SP140: variants seen among roughly 807,000 people sequenced by gnomAD.
The protein encoded by SP140 is nuclear body protein SP140.
SP140 carries 81 observed loss-of-function variants against 125.0 expected under a neutral mutation model. That is an observed-to-expected ratio of 0.65 (90% CI 0.54 to 0.78). SP140 has a LOEUF of 0.78. SP140 is among the 30% of genes least tolerant of loss of function. SP140 has a pLI of 0.00. For synonymous variants in SP140, 312 were observed against 354.0 expected (o/e 0.88, Z 1.33); for missense variants, 858 against 1,037.0 (o/e 0.83, Z 2.37).
intron 10 of SP140, among the ~76,000 whole-genome samples, chr2:230,252,160 G>A (rs993535145): frequency 2.6e-5 from 4 of 151,736 alleles, no homozygotes; most frequent in Non-Finnish European, 5.9e-5. Context: ...TCCATGATAC[G>A]AGATAGGAGA....
chr2:230,191,621 T>C, the SP140 span, among the ~76,000 whole-genome samples: 1 of 152,116 alleles, frequency 6.6e-6, no homozygotes, highest in East Asian at 1.9e-4. Context: ...TAACAAGCTC[T>C]GAAATTGAGG....
Position 230,229,430 on chromosome 2 carries a change from C to CATTT in SP140, c.59+3528_59+3531dup, listed in dbSNP as rs1344820042. ...GTAAATCTGAGTTTCTGGCCCACAT[C>CATTT]ATTTTTCCCTTTGCATGAAGAAATT... On this transcript the variant is annotated intron_variant, in intron 1 of 26. Transcript: ENST00000392045. 3.0e-5 allele frequency among the ~76,000 whole-genome samples: 4 copies of CATTT among 132,634 alleles called. No homozygotes were observed. The East Asian group carries it at 6.9e-4, about 23-fold the overall frequency. The allele number at this position is 132,634 out of a possible 152,430, so 87.0% of individuals were successfully genotyped here. A position where few individuals can be genotyped will look rare whatever the true frequency, so the allele number is the denominator to read the frequency against.
At chr2:230,311,076 G>C in intron 24 of SP140, 78 bp from the exon 25 acceptor site, 1 of 1,608,020 alleles carries the variant, frequency 6.2e-7, no homozygotes, top group African/African-American at 1.3e-5. Flanking sequence ...AGAAGGGTGT[G>C]AGTTCTGTGC....
intron 12 of SP140, among the ~76,000 whole-genome samples, chr2:230,259,333 G>T (rs2051791976): frequency 6.6e-6 from 1 of 152,130 alleles, no homozygotes; most frequent in South Asian, 2.1e-4. Flanking sequence ...CCACGTATCA[G>T]TGAGAACATA....
chr2:230,219,177 A>T (rs1218161839), intron 3 of SP140, among the ~76,000 whole-genome samples: 1 of 152,236 alleles, frequency 6.6e-6, no homozygotes, highest in African/African-American at 2.4e-5. Flanking sequence ...GTGATCTGAG[A>T]TGGTGCCATT....
In SP140 at chr2:230,270,615, T is replaced by C. The variant is rs377342881; in HGVS notation, c.1474T>C (p.Leu492=). 6.2e-7 allele frequency: 1 copy of C among 1,610,306 alleles called. No individual in the cohort carries two copies. The highest frequency in any genetic ancestry group is 8.5e-7 in the Non-Finnish European group (1 of 1,178,308). Residue 492 remains leucine, a synonymous_variant, in exon 15 of 27, where the codon TTG becomes CTG. Coordinates refer to ENST00000392045, the MANE Select transcript of SP140 (RefSeq NM_007237.5). The stretch of plus-strand genomic sequence containing the variant: ...TGTGGATATTGCAAACAACTCCACT[T>C]TGGGAAAACCCAAGAGGAAAAGAAG... ...DTVDIANNST[L]GKPKRKRRKK...
rs199950443 is a variant in SP140, at chr2:230,284,420, G to T, written c.1564+9G>T. 7 of 1,604,616 alleles carry T rather than the reference G, an allele frequency of 4.4e-6. No individual in the cohort carries two copies. In the East Asian group the frequency reaches 1.6e-4, roughly 36 times the overall value. The stretch of plus-strand genomic sequence containing the variant: ...AAACAGCCAACAAAATGGTAAGCAG[G>T]CAAAGTGAAGTAGTTACAGCTTTTG... On this transcript the variant is annotated intron_variant, in intron 16 of 26. Coordinates refer to ENST00000392045, the MANE Select transcript of SP140 (RefSeq NM_007237.5).
intron 21 of SP140, among the ~76,000 whole-genome samples, chr2:230,296,985 A>G (rs2149518443): frequency 6.6e-6 from 1 of 152,382 alleles, no homozygotes; most frequent in Middle Eastern, 3.4e-3. Context: ...GTTTACAAAA[A>G]TAAAACTTTA....
chr2:230,247,887 C>G, intron 7 of SP140, 29 bp from the exon 8 acceptor site: 2 of 1,609,196 alleles, frequency 1.2e-6, no homozygotes, highest in Middle Eastern at 1.7e-4. Flanking sequence ...ATTACATACA[C>G]TCTCAGAGAT....
At chr2:230,195,875 A>G in the SP140 span, among the ~76,000 whole-genome samples, 1 of 152,200 alleles carries the variant, frequency 6.6e-6, no homozygotes, top group African/African-American at 2.4e-5. Context: ...AGCATATAGA[A>G]GGTTAATATC....
At chr2:230,202,617 T>A (rs1019331860), upstream of SP140, 1 of 1,614,200 alleles carries the variant, frequency 6.2e-7, no homozygotes, top group African/African-American at 1.3e-5. Flanking sequence ...AGTTCTCGCC[T>A]TTTGGGCCCT....
In SP140 at chr2:230,269,598, T is replaced by C. The variant is rs1449399952; in HGVS notation, c.1307T>C (p.Leu436Pro). 6.3e-7 allele frequency: 1 copy of C among 1,581,188 alleles called. No homozygotes were observed. The highest frequency in any genetic ancestry group is 1.8e-5 in the Admixed American group (1 of 56,068). ...EGESEELASS[L>P]LYDNVPGAEQ... The stretch of plus-strand genomic sequence containing the variant: ...GAATCAGAAGAGCTTGCTTCTAGCC[T>C]GCTATATGATAATGTACCAGGTAAT... The change falls in exon 13 of 27, where the codon CTG becomes CCG. Residue 436 changes from leucine to proline, a missense_variant. Transcript: ENST00000392045.
chr2:230,246,843 G>C (rs1224791886), intron 7 of SP140, among the ~76,000 whole-genome samples: 1 of 152,122 alleles, frequency 6.6e-6, no homozygotes, highest in Non-Finnish European at 1.5e-5. Flanking sequence ...AATGCTCGAA[G>C]ACAGAGACAG....
chr2:230,299,838 G>A (rs779103152), intron 22 of SP140, among the ~76,000 whole-genome samples: 1 of 152,036 alleles, frequency 6.6e-6, no homozygotes, highest in Admixed American at 6.6e-5. Flanking sequence ...TGTCACTGCC[G>A]GCTTCCCTTA....
chr2:230,190,771 A>G, the SP140 span, among the ~76,000 whole-genome samples: 4 of 152,236 alleles, frequency 2.6e-5, no homozygotes, highest in African/African-American at 9.6e-5. Context: ...AGTTTTCTGC[A>G]TATGGATAGC....
chr2:230,288,238 C>A, intron 18 of SP140: 1 of 375,096 alleles, frequency 2.7e-6, no homozygotes, highest in Non-Finnish European at 4.9e-6. Context: ...GGAGATAGTT[C>A]ATTGCCGTAT....
At chr2:230,213,405 T>C (rs2044717816) in intron 1 of SP140, among the ~76,000 whole-genome samples, 1 of 152,220 alleles carries the variant, frequency 6.6e-6, no homozygotes, top group Admixed American at 6.5e-5. Context: ...AATAAACAGA[T>C]CATACTTCCC....
intron 15 of SP140, among the ~76,000 whole-genome samples, chr2:230,281,406 A>G (rs2055526666): frequency 6.6e-6 from 1 of 152,234 alleles, no homozygotes; most frequent in South Asian, 2.1e-4. Context: ...GTATGTTTAG[A>G]GTTCTTTTGT....
intron 22 of SP140, among the ~76,000 whole-genome samples, chr2:230,299,439 C>G (rs567448677): frequency 2.0e-5 from 3 of 152,276 alleles, no homozygotes; most frequent in African/African-American, 7.2e-5. Flanking sequence ...CCCCAAGGAT[C>G]CCTATAAGCA....
Sources: allele counts gnomAD v4.1 joint callset (sites outside exome capture counted in the v4.1 genomes callset), GRCh38; gene constraint gnomAD v4.1.1; transcripts MANE v1.5; gene names NCBI Gene and HGNC (gene_info 2026-07-23, HGNC 2026-07-21).